PCDH10: variants seen among roughly 807,000 people sequenced by gnomAD.
PCDH10 encodes the protein protocadherin 10, also known as protocadherin-10.
A neutral mutation model predicts 74.4 loss-of-function variants in PCDH10; 15 were observed. That is an observed-to-expected ratio of 0.20 (90% confidence interval 0.13 to 0.31). The LOEUF (loss-of-function observed/expected upper bound fraction) is 0.31, where lower values mean the gene tolerates loss of function less well. Ranked by LOEUF, PCDH10 falls within the 10% of genes least tolerant of loss-of-function variation. The pLI, the probability that PCDH10 is intolerant of heterozygous loss-of-function variation, is 1.00. For missense variants in PCDH10, 1,260 were observed against 1,390.2 expected, an observed-to-expected ratio of 0.91 and a Z score of 1.49; for synonymous variants, 619 against 589.8, an observed-to-expected ratio of 1.05 and a Z score of -0.72.
At chr4:133,197,474 A>G (rs911202758), downstream of PCDH10, among the ~76,000 whole-genome samples, 1 of 152,144 alleles carries the variant, frequency 6.6e-6, no homozygotes, top group Admixed American at 6.6e-5. Flanking sequence ...TGAATCAATT[A>G]AAAGTTTTAT....
intron 4 of PCDH10, among the ~76,000 whole-genome samples, chr4:133,176,136 T>A (rs1358552665): frequency 6.6e-6 from 1 of 152,156 alleles, no homozygotes; most frequent in Non-Finnish European, 1.5e-5. Flanking sequence ...ATTTTTATTT[T>A]GTTCTCCAAG....
In PCDH10 at chr4:133,194,383, C is replaced by G. The variant is rs1727748733; in HGVS notation, c.*4223C>G. The G allele has an allele frequency of 6.6e-6, 1 of 151,806 alleles. No homozygotes were observed. 9.4% of individuals were successfully genotyped at this position (151,806 alleles called of 1,614,324 possible). ...AACTCAGACTTCCAATACATTCATA[C>G]ATGCTAGAGCTGAAAGTAAGCAGGG... On this transcript the variant is annotated 3_prime_UTR_variant, in exon 5 of 5. Transcript: ENST00000264360.
intron 4 of PCDH10, among the ~76,000 whole-genome samples, chr4:133,179,770 G>GAGCATT (rs1197513824): frequency 5.9e-5 from 9 of 151,828 alleles, no homozygotes; most frequent in Admixed American, 5.9e-4. Context: ...TCCATTTAAG[G>GAGCATT]GTCCCATGTT....
intron 4 of PCDH10, 36 bp downstream of exon 4, chr4:133,163,318 C>T (rs888082194): frequency 1.3e-6 from 2 of 1,504,958 alleles, no homozygotes; most frequent in African/African-American, 2.8e-5. Flanking sequence ...TAAAGTGTTC[C>T]CTTTGAGGAG....
In PCDH10 at chr4:133,151,718, C is replaced by T. The variant is rs762454585; in HGVS notation, c.1578C>T (p.Tyr526=). The T allele has an allele frequency of 1.2e-6, 2 of 1,613,242 alleles. No homozygotes were observed. The highest frequency in any genetic ancestry group is 1.7e-6 in the Non-Finnish European group (2 of 1,180,054). ...TCAACTCTGAGAACGGCTACTTGTA[C>T]GCCCTGCGCTCCTTCGACTATGAGC... ...VSINSENGYL[Y]ALRSFDYEQL... is the part of the protein sequence containing the mutation. The change falls in exon 1 of 5, where the codon TAC becomes TAT. Residue 526 remains tyrosine (Y), a synonymous_variant. Coordinates refer to ENST00000264360, the MANE Select transcript of PCDH10 (RefSeq NM_032961.3).
intron 2 of PCDH10, among the ~76,000 whole-genome samples, chr4:133,206,427 T>A (rs1728005207): frequency 6.6e-6 from 1 of 152,164 alleles, no homozygotes. Flanking sequence ...AACTGCTTCT[T>A]AATAACATTT....
At position 133,191,312 on chromosome 4, in the gene PCDH10, T is replaced by G. The variant is rs1727663179; in HGVS notation, c.*1152T>G. 3.9e-5 allele frequency: 6 copies of G among 152,352 alleles called. No individual in the cohort carries two copies. The South Asian group carries it at 1.2e-3, about 32-fold the overall frequency. The allele number at this position is 152,352 out of a possible 1,614,324, so 9.4% of individuals were successfully genotyped here. A position where few individuals can be genotyped will look rare whatever the true frequency, so the allele number is the denominator to read the frequency against. On this transcript the variant is annotated 3_prime_UTR_variant, in exon 5 of 5. Transcript: ENST00000264360. ...CTTAATTACACATGAATATAAAATCTATAATTCTATATGAATATATAGAGA... is the reference window on the plus strand; with the variant it reads ...CTTAATTACACATGAATATAAAATCGATAATTCTATATGAATATATAGAGA...
intron 2 of PCDH10, among the ~76,000 whole-genome samples, chr4:133,202,458 G>A (rs1727924266): frequency 6.6e-6 from 1 of 152,088 alleles, no homozygotes; most frequent in South Asian, 2.1e-4. Flanking sequence ...AAATGCCTTA[G>A]TCACTATCAA....
chr4:133,176,775 A>G (rs896291871), intron 4 of PCDH10, among the ~76,000 whole-genome samples: 2 of 152,150 alleles, frequency 1.3e-5, no homozygotes, highest in Non-Finnish European at 2.9e-5. Flanking sequence ...AAGCATGATT[A>G]TAACTTTTAA....
At chr4:133,172,244 A>T (rs1727217900) in intron 4 of PCDH10, among the ~76,000 whole-genome samples, 1 of 151,996 alleles carries the variant, frequency 6.6e-6, no homozygotes, top group Admixed American at 6.6e-5. Context: ...CTTGTAAAAG[A>T]TAAAGTTTTT....
intron 3 of PCDH10, among the ~76,000 whole-genome samples, chr4:133,157,515 G>A (rs1726891434): frequency 6.6e-6 from 1 of 151,960 alleles, no homozygotes; most frequent in African/African-American, 2.4e-5. Flanking sequence ...TCTAAGTTCA[G>A]GATAGGAAAA....
At chr4:133,180,280 T>C (rs911900357) in intron 4 of PCDH10, among the ~76,000 whole-genome samples, 2 of 152,046 alleles carry the variant, frequency 1.3e-5, no homozygotes, top group South Asian at 2.1e-4. Context: ...GGGTGAGCCA[T>C]TGTGGATATG....
At chr4:133,200,506 T>C (rs1317349188) in intron 2 of PCDH10, among the ~76,000 whole-genome samples, 1 of 152,226 alleles carries the variant, frequency 6.6e-6, no homozygotes, top group Non-Finnish European at 1.5e-5. Flanking sequence ...ACTAATGTTT[T>C]CAACAAATAT....
intron 4 of PCDH10, among the ~76,000 whole-genome samples, chr4:133,180,475 T>TAC (rs1727393244): frequency 6.6e-6 from 1 of 152,036 alleles, no homozygotes. Context: ...AATGAATGGG[T>TAC]ACATCAGATG....
At position 133,152,300 on chromosome 4, in the gene PCDH10, C is replaced by A. The variant is rs1726734821; in HGVS notation, c.2160C>A (p.Ile720=). ...TAGACCTCACCCTCATCCTCATCAT[C>A]GCGTTGGGCTCGGTGTCCTTCATCT... The part of the protein sequence containing the change: ...TSLDLTLILI[I]ALGSVSFIFL... Residue 720 remains isoleucine (I), a synonymous_variant, in exon 1 of 5, where the codon ATC becomes ATA. Transcript: ENST00000264360. 1.1e-5 allele frequency: 17 copies of A among 1,614,170 alleles called. No homozygotes were observed. The highest frequency in any genetic ancestry group is 1.4e-5 in the Non-Finnish European group (17 of 1,180,040).
chr4:133,150,571 A>G lies in PCDH10; in HGVS notation c.431A>G (p.Glu144Gly). The change falls in exon 1 of 5, where the codon GAG (glutamate) becomes GGG (glycine). Residue 144 changes from glutamate to glycine, a missense_variant. Coordinates refer to ENST00000264360, the MANE Select transcript of PCDH10 (RefSeq NM_032961.3). ...SATPGTRFPL[E>G]SAFDPDVGTN... ...ACGCCAGGCACTCGCTTCCCCTTGG[A>G]GAGCGCATTCGACCCAGACGTGGGC... 6.2e-7 allele frequency: 1 copy of G among 1,613,582 alleles called. No homozygotes were observed. Among genetic ancestry groups the G allele is most frequent in the Non-Finnish European group, 8.5e-7 (1 of 1,179,942 alleles).
intron 4 of PCDH10, among the ~76,000 whole-genome samples, chr4:133,176,826 C>T (rs1245565021): frequency 6.6e-6 from 1 of 151,820 alleles, no homozygotes; most frequent in African/African-American, 2.4e-5. Flanking sequence ...TGTATGCTTA[C>T]AATAAGTAAA....
chr4:133,183,988 A>G (rs1727473936), intron 4 of PCDH10, among the ~76,000 whole-genome samples: 1 of 152,112 alleles, frequency 6.6e-6, no homozygotes, highest in Non-Finnish European at 1.5e-5. Flanking sequence ...TTAAATTTTA[A>G]TTTAATAACT....
chr4:133,189,373 A>G (rs1334857432), intron 4 of PCDH10, among the ~76,000 whole-genome samples: 1 of 152,118 alleles, frequency 6.6e-6, no homozygotes, highest in Admixed American at 6.6e-5. Flanking sequence ...GTTTATGGAT[A>G]AGGGAAGAAA....
Sources: allele counts gnomAD v4.1 joint callset (sites outside exome capture counted in the v4.1 genomes callset), GRCh38; gene constraint gnomAD v4.1.1; transcripts MANE v1.5; gene names NCBI Gene and HGNC (gene_info 2026-07-23, HGNC 2026-07-21).